ATR: variants seen among roughly 807,000 people sequenced by gnomAD.
ATR encodes the protein serine/threonine-protein kinase ATR.
ATR carries 142 observed loss-of-function variants against 305.3 expected under a neutral mutation model. The observed-to-expected ratio is 0.47, with a 90% CI of 0.41 to 0.53. The LOEUF is 0.53. Among genes scored for constraint, ATR ranks in the 20% least tolerant of loss-of-function variants. ATR has a pLI of 0.00. For synonymous variants in ATR, 1,050 were observed against 1,068.1 expected (o/e 0.98, Z 0.33); for missense variants, 2,135 against 3,133.1 (o/e 0.68, Z 7.60).
chr3:142,478,582 G>C (rs2030109603), intron 36 of ATR, among the ~76,000 whole-genome samples: 1 of 152,214 alleles, frequency 6.6e-6, no homozygotes, highest in African/African-American at 2.4e-5. Context: ...TTGGGGTGGA[G>C]AGTTCTGTAG....
Position 142,453,242 on chromosome 3 carries a change from GA to G in ATR, c.7656-10del. On this transcript the variant is annotated splice_polypyrimidine_tract_variant and intron_variant, in intron 45 of 46. Coordinates refer to ENST00000350721, the MANE Select transcript of ATR (RefSeq NM_001184.4). Reference sequence around the variant, plus strand: ...GAAAAGTCTTTAAGACACTAAAATTGAAACAAATATTATGGTATGATGTTAT... The same window carrying G: ...GAAAAGTCTTTAAGACACTAAAATTGAACAAATATTATGGTATGATGTTAT... 1 of 1,610,366 alleles carries G rather than the reference GA, an allele frequency of 6.2e-7. No homozygotes were observed. The highest frequency in any genetic ancestry group is 1.7e-4 in the Middle Eastern group (1 of 6,052).
chr3:142,459,450 T>C, intron 42 of ATR, 67 bp from the exon 43 acceptor site: 1 of 1,562,358 alleles, frequency 6.4e-7, no homozygotes, highest in Non-Finnish European at 8.8e-7. Context: ...GTTTTTTTTG[T>C]TAAAATTGGA....
intron 12 of ATR, 64 bp from the exon 13 acceptor site, chr3:142,553,462 A>C: frequency 6.6e-7 from 1 of 1,509,784 alleles, no homozygotes; most frequent in South Asian, 1.1e-5. Context: ...ACACACATAC[A>C]CACACATATG....
intron 38 of ATR, among the ~76,000 whole-genome samples, chr3:142,468,706 C>T (rs1273360968): frequency 6.6e-6 from 1 of 152,034 alleles, no homozygotes; most frequent in African/African-American, 2.4e-5. Context: ...AATTCAGGTA[C>T]TGGCGGGGCA....
intron 15 of ATR, among the ~76,000 whole-genome samples, chr3:142,548,684 A>G (rs1216991879): frequency 6.6e-6 from 1 of 152,110 alleles, no homozygotes; most frequent in African/African-American, 2.4e-5. Flanking sequence ...AAAAAAAAAA[A>G]AAATTAAGAG....
At chr3:142,473,004 T>A (rs2071331195) in intron 36 of ATR, among the ~76,000 whole-genome samples, 1 of 152,168 alleles carries the variant, frequency 6.6e-6, no homozygotes, top group South Asian at 2.1e-4. Flanking sequence ...ATTAACCCCC[T>A]ATCAGATGTG....
chr3:142,520,536 C>T (rs1039984384), intron 23 of ATR, among the ~76,000 whole-genome samples: 10 of 152,106 alleles, frequency 6.6e-5, no homozygotes, highest in Admixed American at 4.6e-4. Flanking sequence ...AGTCTTATTT[C>T]TGATATAGAG....
At chr3:142,462,588 C>A (rs564188048) in intron 41 of ATR, among the ~76,000 whole-genome samples, 93 of 152,022 alleles carry the variant, frequency 6.1e-4, no homozygotes, top group African/African-American at 2.1e-3. Context: ...CCTGCCTCAG[C>A]CTCCCGAGTA....
At chr3:142,480,043 T>C (rs1275402395) in intron 36 of ATR, among the ~76,000 whole-genome samples, 2 of 152,218 alleles carry the variant, frequency 1.3e-5, no homozygotes, top group African/African-American at 4.8e-5. Context: ...CTTCCTCCTT[T>C]AGCTCGGAGA....
At chr3:142,521,380 C>T (rs555049180) in intron 23 of ATR, among the ~76,000 whole-genome samples, 36 of 152,308 alleles carry the variant, frequency 2.4e-4, no homozygotes, top group Non-Finnish European at 4.4e-4. Flanking sequence ...CCTGCTAACA[C>T]AACATCCATT....
intron 10 of ATR, among the ~76,000 whole-genome samples, chr3:142,554,960 G>C (rs900212630): frequency 7.9e-5 from 12 of 151,578 alleles, no homozygotes; most frequent in African/African-American, 2.9e-4. Flanking sequence ...GAAAGGCCGG[G>C]CATGGTGGCT....
intron 36 of ATR, among the ~76,000 whole-genome samples, chr3:142,484,459 C>T (rs1292673754): frequency 1.3e-5 from 2 of 152,144 alleles, no homozygotes; most frequent in Non-Finnish European, 2.9e-5. Context: ...GATGGCACAG[C>T]CCATCTCCAT....
intron 16 of ATR, among the ~76,000 whole-genome samples, chr3:142,543,526 C>T (rs527560529): frequency 1.9e-4 from 28 of 147,618 alleles, no homozygotes; most frequent in Non-Finnish European, 3.8e-4. Flanking sequence ...TTTCTTTCTT[C>T]CTCTTTTACT....
intron 35 of ATR, among the ~76,000 whole-genome samples, chr3:142,487,290 C>T (rs991768934): frequency 2.6e-5 from 4 of 152,132 alleles, no homozygotes; most frequent in Non-Finnish European, 5.9e-5. Flanking sequence ...GCATGTACCA[C>T]CACACCCAGC....
rs139078985 is a variant in ATR at position 142,538,565 on chromosome 3, A to G, written c.3642T>C (p.His1214=). ...DHACLGSLLS[H]VIVALLPLIH... ...TAAGAGGTAACAAAGCTACTATTAC[A>G]TGACTGAGAAGGGAGCCCAGACAAG... Residue 1214 remains histidine, a synonymous_variant, in exon 19 of 47, where the codon CAT becomes CAC. Transcript: ENST00000350721. 215 of 1,613,496 alleles carry G rather than the reference A, an allele frequency of 1.3e-4. No individual in the cohort carries two copies. Among genetic ancestry groups the G allele is most frequent in the Admixed American group, 2.0e-4 (12 of 59,940 alleles).
Position 142,555,874 on chromosome 3 carries a change from C to A in ATR, c.2341+3G>T. On this transcript the variant is annotated splice_donor_region_variant and intron_variant, in intron 10 of 46. Coordinates refer to ENST00000350721, the MANE Select transcript of ATR (RefSeq NM_001184.4). ...AAGTATTAAATAAGTCATAATCACT[C>A]ACCAAGTTTTACTGGACTAGGTATT... The A allele has an allele frequency of 6.2e-7, 1 of 1,607,314 alleles. No homozygotes were observed. The highest frequency in any genetic ancestry group is 1.1e-5 in the South Asian group (1 of 89,072).
At chr3:142,476,548 T>C (rs545460306) in intron 36 of ATR, among the ~76,000 whole-genome samples, 8 of 152,208 alleles carry the variant, frequency 5.3e-5, no homozygotes, top group Non-Finnish European at 1.2e-4. Flanking sequence ...GCTTTGTTCT[T>C]TTGGCTTAGG....
At chr3:142,533,497 C>T (rs2033741190) in intron 21 of ATR, among the ~76,000 whole-genome samples, 1 of 152,166 alleles carries the variant, frequency 6.6e-6, no homozygotes, top group African/African-American at 2.4e-5. Context: ...TTGTATTCAA[C>T]TTTAATGCTA....
chr3:142,507,404 A>G (rs887142056), intron 28 of ATR, among the ~76,000 whole-genome samples: 1 of 152,200 alleles, frequency 6.6e-6, no homozygotes, highest in African/African-American at 2.4e-5. Flanking sequence ...AATTCCTTGA[A>G]TCATAGCCCT....
Sources: gnomAD v4.1 joint callset for allele counts (sites outside exome capture counted in the v4.1 genomes callset) on GRCh38, gnomAD v4.1.1 for gene constraint, MANE v1.5 for transcripts, NCBI Gene and HGNC (gene_info 2026-07-23, HGNC 2026-07-21) for gene names.